The following STOX2 variants were observed in gnomAD, a reference collection of about 807,000 sequenced individuals.
STOX2 encodes the protein storkhead box 2.
A neutral mutation model predicts 60.9 loss-of-function variants in STOX2; 28 were observed. The ratio of observed to expected loss-of-function variants is 0.46; its 90% CI spans 0.34 to 0.63. The LOEUF is 0.63. Ranked by LOEUF, STOX2 falls within the 30% of genes least tolerant of loss-of-function variation. STOX2 has a pLI of 0.01. For synonymous variants in STOX2, 472 were observed against 463.9 expected, an observed-to-expected ratio of 1.02 and a Z score of -0.22; for missense variants, 1,024 against 1,187.7, an observed-to-expected ratio of 0.86 and a Z score of 2.03.
At chr4:183,854,368 A>G (rs1299636190) in intron 1 of STOX2, among the ~76,000 whole-genome samples, 1 of 152,002 alleles carries the variant, frequency 6.6e-6, no homozygotes, top group Non-Finnish European at 1.5e-5. Flanking sequence ...TGCAGTTGAA[A>G]CTCATAGATA....
At chr4:183,895,960 G>T (rs1375341644) in intron 1 of STOX2, among the ~76,000 whole-genome samples, 3 of 152,196 alleles carry the variant, frequency 2.0e-5, no homozygotes, top group Admixed American at 1.3e-4. Flanking sequence ...GTCTTTCAGA[G>T]AACTGACCTG....
chr4:183,926,031 A>G (rs192570054), intron 1 of STOX2, among the ~76,000 whole-genome samples: 100 of 152,312 alleles, frequency 6.6e-4, no homozygotes, highest in Non-Finnish European at 1.1e-3. Flanking sequence ...AATTAACATG[A>G]AATTTTATTA....
In STOX2 at chr4:184,001,252, G is replaced by C; in HGVS notation, c.167-73G>C. ...TTCGTCAGACCAGGGCCAGATGGAC[G>C]CGTGAAGGCGTGTGTCTGACAGATG... On this transcript the variant is annotated intron_variant, in intron 1 of 3. Coordinates refer to ENST00000308497, the MANE Select transcript of STOX2 (RefSeq NM_020225.3). This position sits in a 1 kb window ranked among gnomAD's most constrained non-coding sequence, Gnocchi z 4.2. 6.8e-7 allele frequency: 1 copy of C among 1,468,958 alleles called. No individual in the cohort carries two copies. Among genetic ancestry groups the C allele is most frequent in the Non-Finnish European group, 9.4e-7 (1 of 1,060,740 alleles). The allele number at this position is 1,468,958 out of a possible 1,614,324, so 91.0% of individuals were successfully genotyped here.
In STOX2 at chr4:184,009,881, G is replaced by A; in HGVS notation, c.1043G>A (p.Gly348Glu). 6.2e-7 allele frequency: 1 copy of A among 1,611,974 alleles called. No individual in the cohort carries two copies. The highest frequency in any genetic ancestry group is 1.1e-5 in the South Asian group (1 of 90,640). The change falls in exon 3 of 4, where the codon GGG (glycine) becomes GAG (glutamate). Residue 348 changes from glycine to glutamate, a missense_variant. By Grantham distance (98) the Gly-to-Glu change is moderately conservative (BLOSUM62 -2). Coordinates refer to ENST00000308497, the MANE Select transcript of STOX2 (RefSeq NM_020225.3). This position sits in a 1 kb window ranked among gnomAD's most constrained non-coding sequence, Gnocchi z 4.0. ...GAAAAGGCCCAGAGGAGTAAAGCCG[G>A]GTCCTCTGCCCATCACAGCGGAAGG... The part of the protein sequence containing the change: ...EEEKAQRSKA[G>E]SSAHHSGRSK...
intron 1 of STOX2, among the ~76,000 whole-genome samples, chr4:183,884,103 C>G (rs1016225300): frequency 6.6e-6 from 1 of 152,202 alleles, no homozygotes; most frequent in African/African-American, 2.4e-5. Flanking sequence ...ATCCGCCCCC[C>G]TCGGCCTCCC....
intron 1 of STOX2, among the ~76,000 whole-genome samples, chr4:183,922,470 C>T (rs908129544): frequency 2.6e-5 from 4 of 151,872 alleles, no homozygotes; most frequent in Middle Eastern, 3.4e-3. Context: ...CTCAGCCTCC[C>T]GAGTAGCTGG....
chr4:183,831,361 C>T (rs1017276375), intron 1 of STOX2, among the ~76,000 whole-genome samples: 6 of 152,098 alleles, frequency 3.9e-5, no homozygotes, highest in Non-Finnish European at 7.3e-5. Context: ...TGGAATCTTA[C>T]GTTATAAACG....
At chr4:184,008,722 G>T (rs1343695762) in intron 2 of STOX2, among the ~76,000 whole-genome samples, 1 of 152,208 alleles carries the variant, frequency 6.6e-6, no homozygotes, top group Non-Finnish European at 1.5e-5. Context: ...ATATATGTTA[G>T]ATATGTTTTT....
At chr4:183,874,630 C>CTATA (rs33916544) in intron 1 of STOX2, among the ~76,000 whole-genome samples, 49 of 150,174 alleles carry the variant, frequency 3.3e-4, no homozygotes, top group African/African-American at 9.0e-4. Context: ...TATGCAGAGA[C>CTATA]TATATATATA....
intron 1 of STOX2, among the ~76,000 whole-genome samples, chr4:183,917,665 T>G (rs1473241750): frequency 6.6e-6 from 1 of 152,248 alleles, no homozygotes; most frequent in Admixed American, 6.5e-5. Flanking sequence ...AAAAGACTGC[T>G]TAGCCAGAGA....
rs544379694 is a variant in STOX2, at chr4:184,005,202, A to G, written c.319+3725A>G. 3.9e-4 allele frequency among the ~76,000 whole-genome samples: 59 copies of G among 152,272 alleles called. 2 individuals carry two copies. In the South Asian group the frequency reaches 0.012, roughly 31 times the overall value. On this transcript the variant is annotated intron_variant, in intron 2 of 3. Coordinates refer to ENST00000308497, the MANE Select transcript of STOX2 (RefSeq NM_020225.3). ...AGGCTGATTGTGGTGGCTCACACCT[A>G]TAATCCCAGCAATTTGGGAGGCCGA...
chr4:183,813,826 G>A (rs1739093048), intron 1 of STOX2, among the ~76,000 whole-genome samples: 1 of 152,184 alleles, frequency 6.6e-6, no homozygotes, highest in Non-Finnish European at 1.5e-5. Flanking sequence ...ACTCAGTACT[G>A]ACAAGGGTAA....
intron 1 of STOX2, among the ~76,000 whole-genome samples, chr4:183,884,348 C>T (rs1741031906): frequency 6.6e-6 from 1 of 151,400 alleles, no homozygotes; most frequent in African/African-American, 2.4e-5. Flanking sequence ...ACCTTGAGCT[C>T]CTAGGGTCCG....
chr4:183,813,874 A>G (rs1313745648), intron 1 of STOX2, among the ~76,000 whole-genome samples: 3 of 152,244 alleles, frequency 2.0e-5, no homozygotes, highest in African/African-American at 7.2e-5. Context: ...CAGTGAAATT[A>G]TAAGTTGAAA....
At position 183,841,178 on chromosome 4, in the gene STOX2, AGTAT is replaced by A. The variant is rs1386314724; in HGVS notation, c.364+43124_364+43127del. 2.3e-4 allele frequency among the ~76,000 whole-genome samples: 32 copies of A among 137,612 alleles called. 1 individual carries two copies. The East Asian group carries it at 4.4e-3, about 19-fold the overall frequency. 90.3% of individuals were successfully genotyped at this position (137,612 alleles called of 152,430 possible). ...CCACGCCCGGTTCAGTTTTCATCGT[AGTAT>A]TTATTTATTTATTTATTTATTTATT... On this transcript the variant is annotated intron_variant, in intron 1 of 2. Coordinates refer to the STOX2 transcript ENST00000513034.
intron 1 of STOX2, among the ~76,000 whole-genome samples, chr4:183,854,181 C>T (rs1212235275): frequency 6.6e-6 from 1 of 152,178 alleles, no homozygotes; most frequent in Non-Finnish European, 1.5e-5. Flanking sequence ...CATCGTCAAA[C>T]ACATATAAGT....
intron 1 of STOX2, among the ~76,000 whole-genome samples, chr4:183,929,001 C>G (rs79723191): frequency 0.013 from 1,973 of 152,238 alleles, 35 homozygotes; most frequent in African/African-American, 0.044. Context: ...ACACAAGCCC[C>G]GAAAGCGTAA....
Position 183,856,663 on chromosome 4 carries a change from G to T in STOX2, c.364+58608G>T, listed in dbSNP as rs1484206238. Among the ~76,000 whole-genome samples, 2 of 152,162 alleles carry T rather than the reference G, an allele frequency of 1.3e-5. No homozygotes were observed. Among genetic ancestry groups the T allele is most frequent in the African/African-American group, 4.8e-5 (2 of 41,418 alleles). On this transcript the variant is annotated intron_variant, in intron 1 of 2. Coordinates refer to the STOX2 transcript ENST00000513034. The surrounding 1 kb of genome is among the most constrained non-coding windows in gnomAD (Gnocchi z 4.0). ...TTTGCAGTTAGCTGTCTCGGACTCG[G>T]ACCCCGGGGGATGATAGCTCCCTTG...
At chr4:183,832,732 C>T (rs574700373) in intron 1 of STOX2, among the ~76,000 whole-genome samples, 15 of 152,150 alleles carry the variant, frequency 9.9e-5, no homozygotes, top group Admixed American at 2.0e-4. Context: ...TCAAGTGATC[C>T]GCCTGCCTTG....
Sources: allele counts gnomAD v4.1 joint callset (sites outside exome capture counted in the v4.1 genomes callset), GRCh38; gene constraint gnomAD v4.1.1; non-coding constraint Gnocchi (gnomAD v3.1); transcripts MANE v1.5; gene names NCBI Gene and HGNC (gene_info 2026-07-23, HGNC 2026-07-21).